Variants in SUSD5 observed in about 807,000 individuals in gnomAD.
The protein encoded by SUSD5 is sushi domain-containing protein 5.
Under a neutral mutation model 29.5 loss-of-function variants are expected in SUSD5, and 33 were observed. The ratio of observed to expected loss-of-function variants is 1.12; its 90% confidence interval spans 0.85 to 1.49. The LOEUF (loss-of-function observed/expected upper bound fraction) is 1.49. Among genes scored for constraint, SUSD5 ranks in the 40% most tolerant of loss-of-function variants. SUSD5 has a pLI of 0.00. For synonymous variants in SUSD5, 308 were observed against 325.3 expected (o/e 0.95, Z 0.57); for missense variants, 776 against 800.6 (o/e 0.97, Z 0.37).
At chr3:33,158,644 T>C (rs1450745459) in intron 4 of SUSD5, among the ~76,000 whole-genome samples, 2 of 152,202 alleles carry the variant, frequency 1.3e-5, no homozygotes, top group African/African-American at 4.8e-5. Flanking sequence ...AAAGAACATA[T>C]TCTGCGGTAC....
intron 3 of SUSD5, among the ~76,000 whole-genome samples, chr3:33,189,497 AAAAAAAT>A (rs1454271924): frequency 6.6e-6 from 1 of 151,254 alleles, no homozygotes; most frequent in Non-Finnish European, 1.5e-5. Context: ...AAAAAAAAAA[AAAAAAAT>A]TCTAGAATGA....
Position 33,152,769 on chromosome 3 carries a change from G to A in SUSD5, c.1863C>T (p.His621=), listed in dbSNP as rs764630661. The part of the protein sequence containing the change: ...NVGQRQARHY[H]QQIEMEKV ...AGACCTTCTCCATCTCGATCTGCTG[G>A]TGGTAGTGCCGAGCCTGCCGCTGGC... Residue 621 remains histidine (H), a synonymous_variant, in exon 5 of 5, where the codon CAC becomes CAT. Coordinates refer to ENST00000309558, the MANE Select transcript of SUSD5 (RefSeq NM_015551.2). 6.2e-7 allele frequency: 1 copy of A among 1,612,876 alleles called. No homozygotes were observed. The highest frequency in any genetic ancestry group is 1.7e-4 in the Middle Eastern group (1 of 6,044).
At chr3:33,217,224 G>T (rs1365329941) in intron 1 of SUSD5, among the ~76,000 whole-genome samples, 3 of 152,144 alleles carry the variant, frequency 2.0e-5, no homozygotes, top group Non-Finnish European at 4.4e-5. Context: ...CTTGTTCAAA[G>T]ATTAATATTA....
In SUSD5 at chr3:33,207,904, T is replaced by G; in HGVS notation, c.313A>C (p.Ser105Arg). ...GCTCTCATGATTTGCTGTTCTCCAC[T>G]TCCTTTGCTACACACAGTTGTTCTG... Reference protein sequence around the residue: ...TLGTTVCSKGSGEQQIMRAVD... With the variant: ...TLGTTVCSKGRGEQQIMRAVD... The change falls in exon 3 of 5, where the codon AGT (serine) becomes CGT (arginine). Residue 105 changes from serine (S) to arginine (R), a missense_variant. Physicochemically the swap from Ser to Arg is moderately radical, Grantham distance 110. Transcript: ENST00000309558. 6.2e-7 allele frequency: 1 copy of G among 1,613,828 alleles called. No homozygotes were observed.
intron 2 of SUSD5, among the ~76,000 whole-genome samples, chr3:33,212,008 G>A (rs2032332209): frequency 6.6e-6 from 1 of 152,096 alleles, no homozygotes; most frequent in Non-Finnish European, 1.5e-5. Context: ...TTTCCCCAGT[G>A]AGTGTTCTAA....
chr3:33,161,556 T>C (rs2031188519), intron 4 of SUSD5, among the ~76,000 whole-genome samples: 1 of 152,158 alleles, frequency 6.6e-6, no homozygotes, highest in Non-Finnish European at 1.5e-5. Flanking sequence ...GGATTAATGC[T>C]ACTATTGAAA....
At chr3:33,209,265 A>G (rs1262656470) in intron 2 of SUSD5, among the ~76,000 whole-genome samples, 1 of 152,054 alleles carries the variant, frequency 6.6e-6, no homozygotes, top group Non-Finnish European at 1.5e-5. Flanking sequence ...CCTAGCTGTG[A>G]ATTTCTTTGT....
At chr3:33,175,214 C>T (rs371446028) in intron 3 of SUSD5, 140 bp from the exon 4 acceptor site, 7 of 878,192 alleles carry the variant, frequency 8.0e-6, no homozygotes, top group African/African-American at 5.0e-5. Context: ...TTCTTGGTCA[C>T]CCTGGCAACT....
At chr3:33,214,558 C>T (rs1331683421) in intron 1 of SUSD5, among the ~76,000 whole-genome samples, 1 of 152,136 alleles carries the variant, frequency 6.6e-6, no homozygotes, top group Non-Finnish European at 1.5e-5. Flanking sequence ...TTCTCTCTGT[C>T]CCTTGCCTTA....
chr3:33,199,488 C>T (rs6798429), intron 3 of SUSD5, among the ~76,000 whole-genome samples: 130,374 of 152,182 alleles, frequency 0.86, 56,007 homozygotes, highest in East Asian at 1. Flanking sequence ...TTAGCCAGGA[C>T]GGTCTCGATC....
intron 2 of SUSD5, among the ~76,000 whole-genome samples, chr3:33,211,546 T>C (rs573676407): frequency 1.3e-5 from 2 of 152,344 alleles, no homozygotes; most frequent in South Asian, 4.1e-4. Flanking sequence ...GTAGCCTCAG[T>C]TGTCCCTTTA....
chr3:33,190,454 T>G (rs1043988540), intron 3 of SUSD5: 5 of 152,322 alleles, frequency 3.3e-5, no homozygotes, highest in African/African-American at 1.2e-4. Flanking sequence ...TATTGTGAAA[T>G]TTTCTCCTTA....
intron 3 of SUSD5, among the ~76,000 whole-genome samples, chr3:33,206,203 G>A (rs554770690): frequency 2.0e-5 from 3 of 152,062 alleles, no homozygotes; most frequent in South Asian, 2.1e-4. Context: ...GTGAAACCAC[G>A]TCTCTATTAA....
Position 33,153,670 on chromosome 3 carries a change from C to G in SUSD5, c.962G>C (p.Gly321Ala), listed in dbSNP as rs1243642890. 6.2e-7 allele frequency: 1 copy of G among 1,614,018 alleles called. No individual in the cohort carries two copies. Among genetic ancestry groups the G allele is most frequent in the Non-Finnish European group, 8.5e-7 (1 of 1,179,882 alleles). ...DDDTKKQFSA[G>A]DNHSGVKLVP... ...CAATTTTACACCACTGTGGTTGTCT[C>G]CAGCAGAAAACTGCTTTTTGGTGTC... The change falls in exon 5 of 5, where the codon GGA becomes GCA. Residue 321 changes from glycine (G) to alanine (A), a missense_variant. Transcript: ENST00000309558.
intron 3 of SUSD5, among the ~76,000 whole-genome samples, chr3:33,182,787 C>T (rs1370803268): frequency 1.3e-5 from 2 of 151,960 alleles, no homozygotes; most frequent in Admixed American, 1.3e-4. Flanking sequence ...TTCTCCATCC[C>T]TTTCCTTTTT....
At chr3:33,205,379 G>A (rs1165626438) in intron 3 of SUSD5, among the ~76,000 whole-genome samples, 1 of 152,072 alleles carries the variant, frequency 6.6e-6, no homozygotes, top group African/African-American at 2.4e-5. Flanking sequence ...AGAGTAGGAT[G>A]TTCTTCAATT....
At chr3:33,197,226 G>A (rs1002254544) in intron 3 of SUSD5, among the ~76,000 whole-genome samples, 2 of 152,256 alleles carry the variant, frequency 1.3e-5, no homozygotes, top group African/African-American at 4.8e-5. Context: ...GTGCATGGGT[G>A]AGAGGTCTCA....
chr3:33,208,260 T>C (rs1404190849), intron 2 of SUSD5, among the ~76,000 whole-genome samples: 3 of 152,176 alleles, frequency 2.0e-5, no homozygotes, highest in East Asian at 1.9e-4. Flanking sequence ...AGCTCTTTAG[T>C]TCATGAAACT....
chr3:33,179,822 C>T (rs1400567974), intron 3 of SUSD5, among the ~76,000 whole-genome samples: 2 of 152,136 alleles, frequency 1.3e-5, no homozygotes, highest in African/African-American at 4.8e-5. Context: ...TCATGTGCCA[C>T]ATAACAACAT....
Sources: gnomAD v4.1 joint callset for allele counts (sites outside exome capture counted in the v4.1 genomes callset) on GRCh38, gnomAD v4.1.1 for gene constraint, MANE v1.5 for transcripts, NCBI Gene and HGNC (gene_info 2026-07-23, HGNC 2026-07-21) for gene names.